NTMT1: variants seen among roughly 807,000 people sequenced by gnomAD.
NTMT1 encodes the protein N-terminal Xaa-Pro-Lys N-methyltransferase 1.
A neutral mutation model predicts 17.5 loss-of-function variants in NTMT1; 8 were observed. That is an observed-to-expected ratio of 0.46 (90% CI 0.27 to 0.82). The LOEUF (loss-of-function observed/expected upper bound fraction) is 0.82, where lower values mean the gene tolerates loss of function less well. Ranked by LOEUF, NTMT1 falls within the 40% of genes least tolerant of loss-of-function variation. The pLI, the probability that NTMT1 is intolerant of heterozygous loss-of-function variation, is 0.15. For synonymous variants in NTMT1, 128 were observed against 126.8 expected, an observed-to-expected ratio of 1.01 and a Z score of -0.06; for missense variants, 221 against 303.5, an observed-to-expected ratio of 0.73 and a Z score of 2.02.
chr9:129,619,837 C>G (rs772091163), intron 1 of NTMT1: 4 of 1,613,872 alleles, frequency 2.5e-6, no homozygotes, highest in Non-Finnish European at 3.4e-6. Flanking sequence ...GATGCTGGAG[C>G]CAGGAGGAAA....
intron 1 of NTMT1, among the ~76,000 whole-genome samples, chr9:129,610,075 G>A (rs1049456073): frequency 6.7e-6 from 1 of 150,366 alleles, no homozygotes; most frequent in Non-Finnish European, 1.5e-5. Flanking sequence ...CGAAAGCGGC[G>A]GGACTGAGGC....
At position 129,620,783 on chromosome 9, in the gene NTMT1, A is replaced by G. The variant is rs1830666567; in HGVS notation, c.-55+11605A>G. On this transcript the variant is annotated intron_variant, in intron 1 of 3. Coordinates refer to the NTMT1 transcript ENST00000372486. The surrounding 1 kb of genome is among the most constrained non-coding windows in gnomAD (Gnocchi z 5.8). ...GTTTCCTCACCTGAAAAATGGTGAC[A>G]GCAAGAGTAGCCAACTTTGGGGGTT... 3 of 413,238 alleles carry G rather than the reference A, an allele frequency of 7.3e-6. No homozygotes were observed. The highest frequency in any genetic ancestry group is 1.2e-5 in the Non-Finnish European group (3 of 241,640). 25.6% of individuals were successfully genotyped at this position (413,238 alleles called of 1,614,324 possible).
chr9:129,634,483 CTAAA>C (rs1831397796), intron 3 of NTMT1, 177 bp downstream of exon 3: 2 of 569,916 alleles, frequency 3.5e-6, no homozygotes, highest in African/African-American at 3.8e-5. Flanking sequence ...CAGGCTCGGC[CTAAA>C]AGGTAGATTT....
upstream of NTMT1, among the ~76,000 whole-genome samples, chr9:129,623,129 C>A (rs1331641315): frequency 6.6e-6 from 1 of 151,934 alleles, no homozygotes; most frequent in Non-Finnish European, 1.5e-5. Flanking sequence ...GTCAGGAGAT[C>A]GAGACCATCC....
chr9:129,617,699 T>G (rs568529371), intron 1 of NTMT1, among the ~76,000 whole-genome samples: 26 of 151,984 alleles, frequency 1.7e-4, no homozygotes, highest in African/African-American at 5.8e-4. Context: ...TTGTTTGTTT[T>G]TTGAGACAGG....
rs964595152 is a variant in NTMT1 at position 129,635,897 on chromosome 9, G to C, written c.*433G>C. 28 of 190,906 alleles carry C rather than the reference G, an allele frequency of 1.5e-4. No individual in the cohort carries two copies. Among genetic ancestry groups the C allele is most frequent in the Non-Finnish European group, 5.5e-5 (5 of 91,602 alleles). 11.8% of individuals were successfully genotyped at this position (190,906 alleles called of 1,614,324 possible). On this transcript the variant is annotated 3_prime_UTR_variant, in exon 4 of 4. Transcript: ENST00000372483. ...CAGTGTGATCTTTACCTAGGGGAGG[G>C]ACAGAGCTGGGCTGGTGGAGCCCAT... is the stretch of plus-strand genomic sequence containing the variant.
At chr9:129,615,609 G>A (rs1309488967) in intron 1 of NTMT1, 26 of 1,597,464 alleles carry the variant, frequency 1.6e-5, no homozygotes, top group Non-Finnish European at 2.0e-5. Context: ...GTGGGTCAGC[G>A]CAGCCTTGAG....
At position 129,613,594 on chromosome 9, in the gene NTMT1, T is replaced by C. The variant is rs1830197259; in HGVS notation, c.-55+4416T>C. The C allele has an allele frequency of 1.2e-6, 2 of 1,613,956 alleles. No homozygotes were observed. Among genetic ancestry groups the C allele is most frequent in the Non-Finnish European group, 1.7e-6 (2 of 1,179,998 alleles). ...CTTCTGGTTCACAATGACGCTCTGT[T>C]GGACTGCAGGAAAGAGGGCAGGGTG... On this transcript the variant is annotated intron_variant, in intron 1 of 3. Coordinates refer to the NTMT1 transcript ENST00000372486. This position sits in a 1 kb window ranked among gnomAD's most constrained non-coding sequence, Gnocchi z 6.2.
chr9:129,633,530 G>A (rs1831313292), intron 2 of NTMT1: 1 of 156,064 alleles, frequency 6.4e-6, no homozygotes, highest in African/African-American at 2.4e-5. Flanking sequence ...AGAAATGTGT[G>A]GCCCAGGGCA....
upstream of NTMT1, among the ~76,000 whole-genome samples, chr9:129,623,287 C>G (rs1274449996): frequency 6.7e-6 from 1 of 150,202 alleles, no homozygotes; most frequent in African/African-American, 2.5e-5. Flanking sequence ...GAGCGGAGAT[C>G]GCGCCACTGC....
chr9:129,613,718 G>C lies in NTMT1; in HGVS notation c.-55+4540G>C. 8.0e-7 allele frequency: 1 copy of C among 1,252,314 alleles called. No individual in the cohort carries two copies. The highest frequency in any genetic ancestry group is 1.1e-6 in the Non-Finnish European group (1 of 906,394). 77.6% of individuals were successfully genotyped at this position (1,252,314 alleles called of 1,614,324 possible). On this transcript the variant is annotated intron_variant, in intron 1 of 3. Coordinates refer to the NTMT1 transcript ENST00000372486. The surrounding 1 kb of genome is among the most constrained non-coding windows in gnomAD (Gnocchi z 6.2). ...AGCCCTGTCTCCATGGCAACCCCAG[G>C]CTCCCCAGCGCCTTCTGGCTGCCTC... is the stretch of plus-strand genomic sequence containing the variant.
intron 1 of NTMT1, chr9:129,619,665 T>G: frequency 6.2e-7 from 1 of 1,610,838 alleles, no homozygotes; most frequent in South Asian, 1.1e-5. Flanking sequence ...ACATCTGGCA[T>G]GAGTGGCCAG....
At position 129,612,979 on chromosome 9, in the gene NTMT1, G is replaced by T. The variant is rs893373000; in HGVS notation, c.-55+3801G>T. On this transcript the variant is annotated intron_variant, in intron 1 of 3. Transcript: ENST00000372486. Reference sequence around the variant, plus strand: ...GGGCGTGGCCACTGCAAGCCCCCACGGTGACTTGGCTCTCAGGGAGGGTCC... The same window carrying T: ...GGGCGTGGCCACTGCAAGCCCCCACTGTGACTTGGCTCTCAGGGAGGGTCC... 6 of 1,211,308 alleles carry T rather than the reference G, an allele frequency of 5.0e-6. No homozygotes were observed. In the African/African-American group the frequency reaches 9.1e-5, roughly 18 times the overall value. The allele number at this position is 1,211,308 out of a possible 1,614,324, so 75.0% of individuals were successfully genotyped here.
chr9:129,632,632 GC>G lies in NTMT1; in HGVS notation c.-54-13del. On this transcript the variant is annotated splice_polypyrimidine_tract_variant and intron_variant, in intron 1 of 3. Transcript: ENST00000372483. ...CCAGGTCCCTGGCCCGCTGACTCAC[GC>G]CCCCTTCCTTACCCAGGAGAGTCGC... The G allele has an allele frequency of 6.3e-7, 1 of 1,579,416 alleles. No individual in the cohort carries two copies. The highest frequency in any genetic ancestry group is 8.6e-7 in the Non-Finnish European group (1 of 1,156,364).
At chr9:129,610,818 C>G (rs930244445) in intron 1 of NTMT1, among the ~76,000 whole-genome samples, 1 of 152,224 alleles carries the variant, frequency 6.6e-6, no homozygotes. Context: ...GCAAGGCCAC[C>G]TGGAGGAGGG....
chr9:129,621,928 A>T (rs556156341), upstream of NTMT1, among the ~76,000 whole-genome samples: 1 of 152,228 alleles, frequency 6.6e-6, no homozygotes, highest in African/African-American at 2.4e-5. Context: ...TGCCTCTCCC[A>T]GCCCCTCCCG....
At chr9:129,610,818 C>T (rs930244445) in intron 1 of NTMT1, among the ~76,000 whole-genome samples, 2 of 152,106 alleles carry the variant, frequency 1.3e-5, no homozygotes, top group Non-Finnish European at 2.9e-5. Context: ...GCAAGGCCAC[C>T]TGGAGGAGGG....
chr9:129,615,421 G>A, intron 1 of NTMT1: 1 of 1,476,774 alleles, frequency 6.8e-7, no homozygotes, highest in Non-Finnish European at 9.0e-7. Flanking sequence ...CGGAGCTACA[G>A]CCTCTCTGCC....
upstream of NTMT1, among the ~76,000 whole-genome samples, chr9:129,623,469 T>A (rs1460219433): frequency 6.6e-6 from 1 of 152,226 alleles, no homozygotes; most frequent in Non-Finnish European, 1.5e-5. Context: ...GGGCCTTATC[T>A]CTGAGTCTTG....
Sources: allele counts gnomAD v4.1 joint callset (sites outside exome capture counted in the v4.1 genomes callset), GRCh38; gene constraint gnomAD v4.1.1; non-coding constraint Gnocchi (gnomAD v3.1); transcripts MANE v1.5; gene names NCBI Gene and HGNC (gene_info 2026-07-23, HGNC 2026-07-21).